DNM3: variants seen among roughly 807,000 people sequenced by gnomAD.
DNM3 encodes the protein dynamin-3.
In DNM3, 47 loss-of-function variants were observed where a neutral mutation model predicts 101.6. The ratio of observed to expected loss-of-function variants is 0.46; its 90% CI spans 0.37 to 0.59. DNM3 has a LOEUF of 0.59. DNM3 is among the 20% of genes least tolerant of loss of function. The pLI is 0.00. For synonymous variants in DNM3, 385 were observed against 387.9 expected, an observed-to-expected ratio of 0.99 and a Z score of 0.09; for missense variants, 849 against 1,085.7, an observed-to-expected ratio of 0.78 and a Z score of 3.06.
intron 2 of DNM3, among the ~76,000 whole-genome samples, chr1:171,976,824 G>A (rs569018127): frequency 4.4e-4 from 67 of 152,078 alleles, no homozygotes; most frequent in African/African-American, 1.5e-3. Context: ...TTTTAGTTAC[G>A]TATTTATATA....
At chr1:171,993,280 G>A (rs1216611388) in intron 4 of DNM3, among the ~76,000 whole-genome samples, 1 of 151,910 alleles carries the variant, frequency 6.6e-6, no homozygotes, top group East Asian at 1.9e-4. Context: ...TGTAGGCTAT[G>A]TCTGTCAGTA....
At chr1:172,324,620 C>A (rs2065866991) in intron 17 of DNM3, among the ~76,000 whole-genome samples, 1 of 152,146 alleles carries the variant, frequency 6.6e-6, no homozygotes, top group African/African-American at 2.4e-5. Context: ...TTAAAGATTT[C>A]TTCCACAAAG....
intron 11 of DNM3, among the ~76,000 whole-genome samples, chr1:172,071,186 T>C (rs2052162267): frequency 6.7e-6 from 1 of 148,658 alleles, no homozygotes; most frequent in South Asian, 2.1e-4. Flanking sequence ...ACATGGTAGA[T>C]TCGAGGAAGA....
rs183885496 is a variant in DNM3, at chr1:172,359,793, G to A, written c.1894-19225G>A. ...ACAGTCTTTCATGGAAATATTTCTA[G>A]ACAATTTTCTGCGGCTCTTTTCCCT... On this transcript the variant is annotated intron_variant, in intron 17 of 20. Transcript: ENST00000627582. 1.8e-4 allele frequency among the ~76,000 whole-genome samples: 28 copies of A among 152,068 alleles called. No individual in the cohort carries two copies. The East Asian group carries it at 5.2e-3, about 28-fold the overall frequency.
chr1:172,008,797 AAT>A (rs1491277830), intron 4 of DNM3, among the ~76,000 whole-genome samples: 1 of 73,322 alleles, frequency 1.4e-5, no homozygotes, highest in African/African-American at 9.5e-5. Context: ...TAATATATAT[AAT>A]ATATAATATA....
rs182379289 is a variant in DNM3, at chr1:172,032,909, T to C, written c.689-196T>C. On this transcript the variant is annotated intron_variant, in intron 5 of 20. Coordinates refer to ENST00000627582, the MANE Select transcript of DNM3 (RefSeq NM_015569.5). The stretch of plus-strand genomic sequence containing the variant: ...GTGAGAGGCATTATTGTACTGATGC[T>C]AAAAAATTATCGTGGGCTCAATCAG... 2.4e-4 allele frequency among the ~76,000 whole-genome samples: 37 copies of C among 152,254 alleles called. No homozygotes were observed. In the East Asian group the frequency reaches 6.6e-3, roughly 27 times the overall value.
chr1:171,974,120 G>A (rs888844224), intron 2 of DNM3, among the ~76,000 whole-genome samples: 2 of 152,000 alleles, frequency 1.3e-5, no homozygotes, highest in Non-Finnish European at 2.9e-5. Context: ...GTTGAGAGAG[G>A]GATGCTGCAG....
At chr1:172,297,934 G>C (rs2064245235) in intron 15 of DNM3, among the ~76,000 whole-genome samples, 1 of 150,800 alleles carries the variant, frequency 6.6e-6, no homozygotes, top group African/African-American at 2.4e-5. Context: ...TTTTTTTCTG[G>C]AACTCCTCTT....
At chr1:172,401,459 T>G (rs1219407644) in intron 20 of DNM3, among the ~76,000 whole-genome samples, 1 of 152,234 alleles carries the variant, frequency 6.6e-6, no homozygotes, top group Non-Finnish European at 1.5e-5. Flanking sequence ...GGCTAATTTA[T>G]ACAGGATATT....
At chr1:172,159,288 A>C (rs181370616) in intron 14 of DNM3, among the ~76,000 whole-genome samples, 149 of 152,104 alleles carry the variant, frequency 9.8e-4, no homozygotes, top group Non-Finnish European at 1.8e-3. Flanking sequence ...TCTTTGCCTC[A>C]CACTTTTTAA....
chr1:172,258,507 C>T (rs2062511636), intron 15 of DNM3, among the ~76,000 whole-genome samples: 1 of 152,010 alleles, frequency 6.6e-6, no homozygotes, highest in Non-Finnish European at 1.5e-5. Context: ...GTTGTATTGT[C>T]CAGGAATGTA....
chr1:172,359,125 A>ACACAC (rs2067600295), intron 17 of DNM3, among the ~76,000 whole-genome samples: 2 of 145,704 alleles, frequency 1.4e-5, no homozygotes, highest in Non-Finnish European at 3.0e-5. Context: ...ACTCCCACAA[A>ACACAC]ACACACACAC....
rs143367247 is a variant in DNM3 at position 171,860,317 on chromosome 1, A to G, written c.161+18500A>G. Among the ~76,000 whole-genome samples, 13 of 152,298 alleles carry G rather than the reference A, an allele frequency of 8.5e-5. No individual in the cohort carries two copies. The East Asian group carries it at 1.9e-3, about 23-fold the overall frequency. On this transcript the variant is annotated intron_variant, in intron 1 of 20. Transcript: ENST00000627582. ...ACTATAAATTTTGTGAACTTTAAATATAGATCAGGTATTTCTGATAAAAAT... is the reference window on the plus strand; with the variant it reads ...ACTATAAATTTTGTGAACTTTAAATGTAGATCAGGTATTTCTGATAAAAAT...
intron 13 of DNM3, among the ~76,000 whole-genome samples, chr1:172,126,236 TA>T (rs1477384576): frequency 6.6e-6 from 1 of 152,184 alleles, no homozygotes; most frequent in African/African-American, 2.4e-5. Context: ...TACTGCTTCT[TA>T]ACCTTTTTAT....
chr1:172,163,242 T>C (rs2058610965), intron 14 of DNM3, among the ~76,000 whole-genome samples: 1 of 114,080 alleles, frequency 8.8e-6, no homozygotes, highest in African/African-American at 3.3e-5. Flanking sequence ...ATTCTTTTTT[T>C]GTTTTTTTTT....
intron 1 of DNM3, among the ~76,000 whole-genome samples, chr1:171,889,310 A>T (rs1294633179): frequency 6.6e-6 from 1 of 152,216 alleles, no homozygotes; most frequent in African/African-American, 2.4e-5. Flanking sequence ...AGGCGTATGG[A>T]CAAGGTGATT....
At chr1:172,101,732 A>ATGTTTAACCAAAGTTCTAATCACTG (rs2054655214) in intron 13 of DNM3, among the ~76,000 whole-genome samples, 2 of 152,180 alleles carry the variant, frequency 1.3e-5, no homozygotes, top group African/African-American at 4.8e-5. Flanking sequence ...CTTAATCACC[A>ATGTTTAACCAAAGTTCTAATCACTG]TGTTTAACCA....
intron 2 of DNM3, among the ~76,000 whole-genome samples, chr1:171,934,074 C>G (rs980159534): frequency 6.6e-6 from 1 of 152,208 alleles, no homozygotes; most frequent in Non-Finnish European, 1.5e-5. Context: ...GCTAGGACTT[C>G]AGAACAATGC....
intron 4 of DNM3, among the ~76,000 whole-genome samples, chr1:172,026,400 A>T (rs542467503): frequency 2.6e-5 from 4 of 152,196 alleles, no homozygotes; most frequent in Non-Finnish European, 4.4e-5. Flanking sequence ...ATTATCCAGG[A>T]GAACTTCCCC....
Sources: gnomAD v4.1 joint callset for allele counts (sites outside exome capture counted in the v4.1 genomes callset) on GRCh38, gnomAD v4.1.1 for gene constraint, MANE v1.5 for transcripts, NCBI Gene and HGNC (gene_info 2026-07-23, HGNC 2026-07-21) for gene names.